The following PDK3 variants were observed in gnomAD, a reference collection of about 807,000 sequenced individuals.
PDK3 encodes pyruvate dehydrogenase kinase, isozyme 3.
Under a neutral mutation model 32.0 loss-of-function variants are expected in PDK3, and 12 were observed. That is an observed-to-expected ratio of 0.37 (90% confidence interval 0.24 to 0.61). The LOEUF (loss-of-function observed/expected upper bound fraction) is 0.61, where lower values mean the gene tolerates loss of function less well. Ranked by LOEUF, PDK3 falls within the 20% of genes least tolerant of loss-of-function variation. The pLI, the probability that PDK3 is intolerant of heterozygous loss-of-function variation, is 0.65. For missense variants in PDK3, 188 were observed against 316.9 expected, an observed-to-expected ratio of 0.59 and a Z score of 3.09; for synonymous variants, 122 against 116.3, an observed-to-expected ratio of 1.05 and a Z score of -0.31.
chrX:24,540,355 C>T lies in PDK3; in HGVS notation c.*1191C>T, dbSNP rs751764730. On this transcript the variant is annotated 3_prime_UTR_variant, in exon 12 of 12. Transcript: ENST00000568479. The stretch of plus-strand genomic sequence containing the variant: ...CCATATATATCATCTACTTTGATTT[C>T]TGCCCCGTTTTAATGTCCATATAAA... 5.4e-5 allele frequency among the ~76,000 whole-genome samples: 6 copies of T among 112,149 alleles called. No homozygotes were observed. The South Asian group carries it at 2.2e-3, about 42-fold the overall frequency.
exon 12 of PDK3, chrX:24,550,317 A>G (rs762398749): frequency 5.3e-5 from 6 of 112,202 alleles, no homozygotes; most frequent in African/African-American, 1.6e-4. Flanking sequence ...GATGTTGGAA[A>G]AACATGACCA....
chrX:24,482,424 G>T (rs1290180070), intron 1 of PDK3, among the ~76,000 whole-genome samples: 4 of 111,543 alleles, frequency 3.6e-5, no homozygotes, highest in Admixed American at 9.6e-5. Context: ...TGTCCAAGCT[G>T]GTCTCGAACT....
chrX:24,486,948 C>T (rs1346515518), intron 1 of PDK3, among the ~76,000 whole-genome samples: 1 of 111,806 alleles, frequency 8.9e-6, no homozygotes, highest in East Asian at 2.8e-4. Flanking sequence ...AAAACATGGT[C>T]TGGCCTAGAG....
chrX:24,511,263 T>G (rs927918327), intron 5 of PDK3, among the ~76,000 whole-genome samples: 12 of 112,724 alleles, frequency 1.1e-4, no homozygotes, highest in African/African-American at 3.2e-4. Context: ...TTTAGAGTAG[T>G]TGGTATTTTC....
At chrX:24,542,128 G>A (rs1922905304) in exon 12 of PDK3, among the ~76,000 whole-genome samples, 1 of 111,974 alleles carries the variant, frequency 8.9e-6, no homozygotes, top group Non-Finnish European at 1.9e-5. Context: ...AGCTGTGAAA[G>A]TGCTGAATTT....
At chrX:24,471,403 C>T (rs149950787) in intron 1 of PDK3, among the ~76,000 whole-genome samples, 60 of 111,816 alleles carry the variant, frequency 5.4e-4, no homozygotes, top group African/African-American at 1.8e-3. Flanking sequence ...GTGCATTCTG[C>T]ATTTTAATTT....
chrX:24,471,634 C>T (rs1039116290), intron 1 of PDK3, among the ~76,000 whole-genome samples: 6 of 111,988 alleles, frequency 5.4e-5, no homozygotes, highest in Admixed American at 3.8e-4. Context: ...CTTTTTTTAT[C>T]CACCTGATTT....
chrX:24,525,195 G>A (rs1181085432), intron 6 of PDK3, among the ~76,000 whole-genome samples: 1 of 111,292 alleles, frequency 9.0e-6, no homozygotes, highest in East Asian at 2.8e-4. Flanking sequence ...ATTGCTCTTT[G>A]AAGAGTTCGG....
At position 24,528,107 on chromosome X, in the gene PDK3, G is replaced by A. The variant is rs1922566851; in HGVS notation, c.884G>A (p.Arg295Gln). Reference sequence around the variant, plus strand: ...GACCTAGGTGGTGGTGTCCCACTTCGAAAAATAGATCGTCTTTTTAACTAC... The same window carrying A: ...GACCTAGGTGGTGGTGTCCCACTTCAAAAAATAGATCGTCTTTTTAACTAC... ...ISDLGGGVPL[R>Q]KIDRLFNYMY... The change falls in exon 9 of 11, where the codon CGA becomes CAA. Residue 295 changes from arginine (R) to glutamine (Q), a missense_variant. Transcript: ENST00000379162. The A allele has an allele frequency of 8.3e-7, 1 of 1,198,771 alleles. No individual in the cohort carries two copies. The highest frequency in any genetic ancestry group is 2.2e-5 in the Admixed American group (1 of 46,000).
chrX:24,541,026 C>T (rs951581233), exon 12 of PDK3, among the ~76,000 whole-genome samples: 1 of 103,263 alleles, frequency 9.7e-6, no homozygotes, highest in Non-Finnish European at 2.0e-5. Context: ...TCTTGTGCCT[C>T]AGCCTCCCGA....
chrX:24,490,921 AT>A (rs1292024432), intron 1 of PDK3, among the ~76,000 whole-genome samples: 1 of 111,149 alleles, frequency 9.0e-6, no homozygotes, highest in Non-Finnish European at 1.9e-5. Context: ...TTGTGAAAAA[AT>A]TATTAGTTCA....
intron 5 of PDK3, among the ~76,000 whole-genome samples, chrX:24,509,101 A>G (rs1922057814): frequency 8.9e-6 from 1 of 112,094 alleles, no homozygotes; most frequent in Non-Finnish European, 1.9e-5. Flanking sequence ...TCTTAGGGTC[A>G]GAAGTTTTGT....
At chrX:24,533,770 C>T (rs1333779850) in intron 10 of PDK3, among the ~76,000 whole-genome samples, 159 bp from the exon 11 acceptor site, 1 of 111,891 alleles carries the variant, frequency 8.9e-6, no homozygotes, top group Non-Finnish European at 1.9e-5. Context: ...TAATGTTTTC[C>T]TGGCCAGTCT....
At chrX:24,502,602 T>G (rs181067015) in intron 3 of PDK3, among the ~76,000 whole-genome samples, 19 of 111,874 alleles carry the variant, frequency 1.7e-4, no homozygotes, top group Non-Finnish European at 3.6e-4. Flanking sequence ...ATGAGACACT[T>G]TAGGAGGCTG....
exon 12 of PDK3, among the ~76,000 whole-genome samples, chrX:24,543,543 G>A (rs781318620): frequency 6.3e-5 from 7 of 110,997 alleles, no homozygotes; most frequent in Non-Finnish European, 1.3e-4. Flanking sequence ...TCCGCCTCCC[G>A]GGTTCAAGCA....
chrX:24,546,825 T>C (rs1284992361), exon 12 of PDK3: 1 of 112,400 alleles, frequency 8.9e-6, no homozygotes, highest in East Asian at 2.8e-4. Flanking sequence ...ACCCTTTAAA[T>C]AGACTTATTT....
At chrX:24,486,831 A>T (rs905914772) in intron 1 of PDK3, among the ~76,000 whole-genome samples, 1 of 110,764 alleles carries the variant, frequency 9.0e-6, no homozygotes, top group Non-Finnish European at 1.9e-5. Context: ...GGGTCTCCCT[A>T]TGTTGCCTGG....
exon 12 of PDK3, chrX:24,546,472 C>A (rs1339198690): frequency 8.9e-6 from 1 of 111,825 alleles, no homozygotes; most frequent in Admixed American, 9.5e-5. Context: ...CCTCTCAAGT[C>A]CACAGGTTGG....
chrX:24,531,587 G>A, intron 9 of PDK3, 70 bp from the exon 10 acceptor site: 1 of 566,340 alleles, frequency 1.8e-6, no homozygotes, highest in East Asian at 3.3e-5. Context: ...AACCTTCTCT[G>A]AATGGTCATC....
Sources: allele counts gnomAD v4.1 joint callset (sites outside exome capture counted in the v4.1 genomes callset), GRCh38; gene constraint gnomAD v4.1.1; transcripts MANE v1.5; gene names NCBI Gene and HGNC (gene_info 2026-07-23, HGNC 2026-07-21).